SRPK2: variants seen among roughly 807,000 people sequenced by gnomAD.
SRPK2 encodes the protein SFRS protein kinase 2.
SRPK2 carries 21 observed loss-of-function variants against 90.8 expected under a neutral mutation model. The ratio of observed to expected loss-of-function variants is 0.23; its 90% CI spans 0.16 to 0.33. SRPK2 has a LOEUF of 0.33. Among genes scored for constraint, SRPK2 ranks in the 10% least tolerant of loss-of-function variants. The pLI is 1.00. For synonymous variants in SRPK2, 288 were observed against 311.1 expected (o/e 0.93, Z 0.78); for missense variants, 620 against 869.0 (o/e 0.71, Z 3.60).
At chr7:105,241,840 T>C (rs62484670) in intron 2 of SRPK2, among the ~76,000 whole-genome samples, 3,687 of 152,156 alleles carry the variant, frequency 0.024, 60 homozygotes, top group Non-Finnish European at 0.035. Context: ...CATCTTCTCA[T>C]AGATTGGCAT....
At chr7:105,159,025 A>G (rs936340209) in intron 7 of SRPK2, among the ~76,000 whole-genome samples, 3 of 152,204 alleles carry the variant, frequency 2.0e-5, no homozygotes, top group African/African-American at 7.2e-5. Context: ...AAACAGATAC[A>G]GTACTGAACA....
At chr7:105,321,131 C>T (rs1379903576) in intron 2 of SRPK2, among the ~76,000 whole-genome samples, 1 of 152,120 alleles carries the variant, frequency 6.6e-6, no homozygotes, top group Non-Finnish European at 1.5e-5. Flanking sequence ...CTGCACCTGG[C>T]CCATATACAG....
intron 2 of SRPK2, among the ~76,000 whole-genome samples, chr7:105,264,585 T>G (rs1804785128): frequency 6.6e-6 from 1 of 152,218 alleles, no homozygotes; most frequent in East Asian, 1.9e-4. Context: ...ACTGAAATGT[T>G]AAGGATCTAG....
intron 2 of SRPK2, among the ~76,000 whole-genome samples, chr7:105,301,231 CAGG>C (rs1427675143): frequency 6.7e-6 from 1 of 148,732 alleles, no homozygotes; most frequent in Non-Finnish European, 1.5e-5. Flanking sequence ...ATCATGAGGT[CAGG>C]AGATCAAGAC....
intron 2 of SRPK2, among the ~76,000 whole-genome samples, chr7:105,338,209 C>T (rs746545490): frequency 3.9e-5 from 6 of 152,032 alleles, no homozygotes; most frequent in Non-Finnish European, 8.8e-5. Flanking sequence ...ACTTTACCAT[C>T]TTTAAATAAA....
intron 2 of SRPK2, among the ~76,000 whole-genome samples, chr7:105,297,987 A>T (rs1362508189): frequency 6.6e-6 from 1 of 152,060 alleles, no homozygotes; most frequent in Non-Finnish European, 1.5e-5. Context: ...TGATCTGCCC[A>T]CCTCAGCCTC....
intron 3 of SRPK2, among the ~76,000 whole-genome samples, chr7:105,182,738 G>T (rs541247018): frequency 2.3e-4 from 35 of 152,282 alleles, no homozygotes; most frequent in African/African-American, 8.2e-4. Context: ...AAAGTGCTGG[G>T]ATTACAGGCG....
chr7:105,169,104 C>CTCTA, intron 4 of SRPK2, 53 bp downstream of exon 4: 1 of 1,489,188 alleles, frequency 6.7e-7, no homozygotes, highest in Non-Finnish European at 9.3e-7. Context: ...TCTTAGAACA[C>CTCTA]AGATGTTGAA....
chr7:105,197,332 T>C (rs1173132793), intron 3 of SRPK2, among the ~76,000 whole-genome samples: 5 of 152,210 alleles, frequency 3.3e-5, no homozygotes, highest in African/African-American at 7.2e-5. Flanking sequence ...CCTAAGTTTT[T>C]ACAGGTAAGA....
intron 2 of SRPK2, among the ~76,000 whole-genome samples, chr7:105,317,103 C>T (rs1302308242): frequency 6.6e-6 from 1 of 152,176 alleles, no homozygotes; most frequent in Admixed American, 6.5e-5. Flanking sequence ...GGTTCACAAA[C>T]CTTCAGAAGT....
chr7:105,203,051 C>G (rs1025570060), intron 3 of SRPK2, among the ~76,000 whole-genome samples: 1 of 152,146 alleles, frequency 6.6e-6, no homozygotes, highest in African/African-American at 2.4e-5. Flanking sequence ...TGCAGTAGCA[C>G]GATCTCAGCT....
At chr7:105,314,129 G>C (rs991705962) in intron 2 of SRPK2, among the ~76,000 whole-genome samples, 4 of 151,996 alleles carry the variant, frequency 2.6e-5, no homozygotes, top group Admixed American at 2.0e-4. Context: ...CCAGGAGCTA[G>C]AGACCAGCCT....
At chr7:105,268,802 G>A in intron 2 of SRPK2, 10 of 1,597,744 alleles carry the variant, frequency 6.3e-6, no homozygotes, top group Non-Finnish European at 8.6e-6. Context: ...AGATGTAGCT[G>A]TACCTTTCTG....
At chr7:105,237,249 G>T (rs1800252866) in intron 2 of SRPK2, among the ~76,000 whole-genome samples, 1 of 152,164 alleles carries the variant, frequency 6.6e-6, no homozygotes, top group Non-Finnish European at 1.5e-5. Flanking sequence ...AAAATTAAAG[G>T]AAAAATCAGA....
At chr7:105,120,602 G>A (rs1282624683) in intron 15 of SRPK2, among the ~76,000 whole-genome samples, 1 of 151,816 alleles carries the variant, frequency 6.6e-6, no homozygotes, top group East Asian at 1.9e-4. Context: ...AAACACCTAT[G>A]GTCCTGAGCA....
intron 3 of SRPK2, among the ~76,000 whole-genome samples, chr7:105,193,648 A>C (rs1794575949): frequency 6.6e-6 from 1 of 152,154 alleles, no homozygotes; most frequent in African/African-American, 2.4e-5. Flanking sequence ...CGCAATACTG[A>C]TTCTACCCAC....
At position 105,298,455 on chromosome 7, in the gene SRPK2, A is replaced by C. The variant is rs117878600; in HGVS notation, c.71+90193T>G. Among the ~76,000 whole-genome samples, 988 of 152,276 alleles carry C rather than the reference A, an allele frequency of 6.5e-3. 8 individuals are homozygous for C. Among genetic ancestry groups the C allele is most frequent in the Middle Eastern group, 0.017 (5 of 294 alleles). On this transcript the variant is annotated intron_variant, in intron 2 of 15. Transcript: ENST00000393651. ...AATGCTGCTACAAGCAGTTACATAT[A>C]GGTTTTTTTTCTGAACCTAAGTTTC... is the stretch of plus-strand genomic sequence containing the variant.
At chr7:105,208,398 CT>C (rs1362756244) in intron 2 of SRPK2, among the ~76,000 whole-genome samples, 1 of 152,112 alleles carries the variant, frequency 6.6e-6, no homozygotes, top group Non-Finnish European at 1.5e-5. Context: ...CAAACGTCCC[CT>C]AACTGATAAA....
At position 105,140,688 on chromosome 7, in the gene SRPK2, C is replaced by T. The variant is rs1310428457; in HGVS notation, c.1543+1320G>A. Among the ~76,000 whole-genome samples the T allele has an allele frequency of 4.6e-5, 7 of 152,094 alleles. No homozygotes were observed. The South Asian group carries it at 6.2e-4, about 14-fold the overall frequency. On this transcript the variant is annotated intron_variant, in intron 11 of 15. Transcript: ENST00000393651. ...CTTTCTATATGAAACTTCAGCCGGG[C>T]GCGGTGGCTCACGCCTGTAATCCCA... is the stretch of plus-strand genomic sequence containing the variant.
Sources: allele counts gnomAD v4.1 joint callset (sites outside exome capture counted in the v4.1 genomes callset), GRCh38; gene constraint gnomAD v4.1.1; transcripts MANE v1.5; gene names NCBI Gene and HGNC (gene_info 2026-07-23, HGNC 2026-07-21).